Variants in ENOSF1 observed in about 807,000 individuals in gnomAD.
ENOSF1 encodes the protein enolase superfamily member 1, also known as mitochondrial enolase superfamily member 1.
A neutral mutation model predicts 68.2 loss-of-function variants in ENOSF1; 73 were observed. The ratio of observed to expected loss-of-function variants is 1.07; its 90% confidence interval spans 0.89 to 1.30. ENOSF1 has a LOEUF of 1.30. ENOSF1 is among the 50% of genes most tolerant of loss of function. The pLI is 0.00. For synonymous variants in ENOSF1, 223 were observed against 210.4 expected, an observed-to-expected ratio of 1.06 and a Z score of -0.52; for missense variants, 589 against 554.5, an observed-to-expected ratio of 1.06 and a Z score of -0.62.
rs1406844706 is a variant in ENOSF1 at position 674,299 on chromosome 18, G to A, written c.*6C>T. 2 of 1,597,512 alleles carry A rather than the reference G, an allele frequency of 1.3e-6. No individual in the cohort carries two copies. Among genetic ancestry groups the A allele is most frequent in the Admixed American group, 1.7e-5 (1 of 58,232 alleles). On this transcript the variant is annotated 3_prime_UTR_variant, in exon 16 of 16. Transcript: ENST00000647584. ...CAGAAAGAAAAAAGTTGTTGGGGCT[G>A]AGCACTTAATTTTCTTGAGCAGGAA...
At chr18:699,753 C>CT (rs2078121600) in intron 2 of ENOSF1, among the ~76,000 whole-genome samples, 1 of 152,148 alleles carries the variant, frequency 6.6e-6, no homozygotes, top group Non-Finnish European at 1.5e-5. Flanking sequence ...TACAGTTTTA[C>CT]TGTCAATAAG....
intron 11 of ENOSF1, among the ~76,000 whole-genome samples, chr18:679,755 G>C (rs1040064520): frequency 2.0e-5 from 3 of 152,002 alleles, no homozygotes; most frequent in Admixed American, 1.3e-4. Context: ...CCTGCCACCT[G>C]GACTCTGGGC....
At chr18:694,630 A>G (rs912148751) in intron 3 of ENOSF1, among the ~76,000 whole-genome samples, 5 of 150,978 alleles carry the variant, frequency 3.3e-5, no homozygotes, top group African/African-American at 1.2e-4. Context: ...TCTGTCTCAA[A>G]AAAAAAAAAA....
chr18:679,974 C>T (rs771191404), intron 11 of ENOSF1, among the ~76,000 whole-genome samples: 3 of 151,954 alleles, frequency 2.0e-5, no homozygotes, highest in Non-Finnish European at 4.4e-5. Context: ...GAGGAGCCAG[C>T]GTTATCCCCA....
intron 2 of ENOSF1, among the ~76,000 whole-genome samples, chr18:699,002 C>T (rs1057362570): frequency 6.6e-6 from 1 of 152,158 alleles, no homozygotes; most frequent in Non-Finnish European, 1.5e-5. Context: ...ACACGCAACA[C>T]CACACCAGCT....
intron 14 of ENOSF1, among the ~76,000 whole-genome samples, chr18:676,240 ACAGG>A (rs912797059): frequency 7.2e-4 from 110 of 152,284 alleles, no homozygotes; most frequent in African/African-American, 2.6e-3. Flanking sequence ...AACAGCTGTG[ACAGG>A]CAGGCTGATA....
intron 8 of ENOSF1, among the ~76,000 whole-genome samples, chr18:689,399 GC>G (rs2076931999): frequency 6.6e-6 from 1 of 152,132 alleles, no homozygotes; most frequent in Non-Finnish European, 1.5e-5. Context: ...TCCTGCCTCA[GC>G]CTCCTGAGTG....
At position 696,204 on chromosome 18, in the gene ENOSF1, C is replaced by CTTTTT. The variant is rs368856668; in HGVS notation, c.309+1031_309+1035dup. On this transcript the variant is annotated intron_variant, in intron 3 of 15. Transcript: ENST00000647584. ...TAATGACCTTCTTTTACATCTCTCT[C>CTTTTT]TTTTTTTTTTTTTTTTTTTTGTTTT... Among the ~76,000 whole-genome samples the CTTTTT allele has an allele frequency of 3.2e-3, 377 of 118,698 alleles. 10 individuals are homozygous for CTTTTT. Among genetic ancestry groups the CTTTTT allele is most frequent in the African/African-American group, 8.7e-3 (262 of 29,956 alleles). 77.9% of individuals were successfully genotyped at this position (118,698 alleles called of 152,430 possible).
At chr18:667,655 TA>T (rs2074885270), downstream of ENOSF1, 1 of 152,138 alleles carries the variant, frequency 6.6e-6, no homozygotes, top group Non-Finnish European at 1.5e-5. Context: ...GGAACGTGCT[TA>T]ATGCTTCTGA....
At chr18:693,999 C>A in intron 4 of ENOSF1, 91 bp from the exon 5 acceptor site, 1 of 1,430,880 alleles carries the variant, frequency 7.0e-7, no homozygotes, top group East Asian at 2.3e-5. Flanking sequence ...CTAATGCTGG[C>A]TGTCAGCCAC....
downstream of ENOSF1, chr18:667,607 T>TGATGGTGATGGAGATGGA (rs1567991080): frequency 1.1e-4 from 5 of 43,728 alleles, no homozygotes; most frequent in Admixed American, 8.7e-4. Flanking sequence ...ATGGTGATGG[T>TGATGGTGATGGAGATGGA]GATGGAGATG....
chr18:708,852 G>C (rs2079211135), intron 1 of ENOSF1, among the ~76,000 whole-genome samples: 1 of 152,174 alleles, frequency 6.6e-6, no homozygotes, highest in African/African-American at 2.4e-5. Flanking sequence ...TGAGCCATTG[G>C]GTTCCTGAAG....
chr18:691,729 CTAAATG>C (rs988500440), intron 5 of ENOSF1: 3 of 162,424 alleles, frequency 1.8e-5, no homozygotes, highest in African/African-American at 4.8e-5. Flanking sequence ...TCTGTCATTC[CTAAATG>C]TAGAGTCCTT....
rs2075050596 is a variant in ENOSF1, at chr18:671,540, C to T, written c.*2765G>A. ...ACAGGCATCTGCTCAATGCTGTGTCCAAGATAAAGATGACTGCTCCAAATG... is the reference window on the plus strand; with the variant it reads ...ACAGGCATCTGCTCAATGCTGTGTCTAAGATAAAGATGACTGCTCCAAATG... On this transcript the variant is annotated 3_prime_UTR_variant, in exon 16 of 16. Transcript: ENST00000647584. 3 of 875,366 alleles carry T rather than the reference C, an allele frequency of 3.4e-6. No homozygotes were observed. Among genetic ancestry groups the T allele is most frequent in the Non-Finnish European group, 5.7e-6 (3 of 523,832 alleles). The allele number at this position is 875,366 out of a possible 1,614,324, so 54.2% of individuals were successfully genotyped here.
At chr18:683,468 C>T in intron 10 of ENOSF1, 88 bp from the exon 11 acceptor site, 1 of 1,510,540 alleles carries the variant, frequency 6.6e-7, no homozygotes, top group African/African-American at 1.4e-5. Context: ...TGCTGTCACT[C>T]AGTGCCACCA....
At chr18:688,201 T>A in intron 9 of ENOSF1, 1 of 192,706 alleles carries the variant, frequency 5.2e-6, no homozygotes, top group Non-Finnish European at 1.1e-5. Flanking sequence ...ACCCACCTAA[T>A]ACTCAAAGCC....
At chr18:706,276 G>C (rs749868865) in intron 2 of ENOSF1, among the ~76,000 whole-genome samples, 194 bp downstream of exon 2, 1 of 151,558 alleles carries the variant, frequency 6.6e-6, no homozygotes, top group African/African-American at 2.4e-5. Context: ...GCCAAATTCT[G>C]TCACTTTTAA....
At chr18:704,295 GGT>G (rs1280548484) in intron 2 of ENOSF1, among the ~76,000 whole-genome samples, 5 of 151,788 alleles carry the variant, frequency 3.3e-5, no homozygotes, top group African/African-American at 9.7e-5. Flanking sequence ...CGGGCGTGGT[GGT>G]GTGTGCCTGT....
chr18:678,708 G>A lies in ENOSF1; in HGVS notation c.906C>T (p.Ala302=). The part of the protein sequence containing the change: ...KALVPLGIGI[A]TGEQCHNRVI... ...GGGCGTCACTCACCTGTTCTCCTGT[G>A]GCAATGCCAATTCCTAATGGGACCA... Residue 302 remains alanine, a synonymous_variant, in exon 12 of 16, where the codon GCC becomes GCT. Coordinates refer to ENST00000647584, the MANE Select transcript of ENOSF1 (RefSeq NM_017512.7). 2 of 1,614,072 alleles carry A rather than the reference G, an allele frequency of 1.2e-6. No homozygotes were observed. The highest frequency in any genetic ancestry group is 1.7e-6 in the Non-Finnish European group (2 of 1,180,012).
Sources: allele counts gnomAD v4.1 joint callset (sites outside exome capture counted in the v4.1 genomes callset), GRCh38; gene constraint gnomAD v4.1.1; transcripts MANE v1.5; gene names NCBI Gene and HGNC (gene_info 2026-07-23, HGNC 2026-07-21).